Variants in MTMR11 observed in about 807,000 individuals in gnomAD.
MTMR11 encodes myotubularin related protein 11.
A neutral mutation model predicts 100.0 loss-of-function variants in MTMR11; 89 were observed. The ratio of observed to expected loss-of-function variants is 0.89; its 90% CI spans 0.75 to 1.06. The LOEUF (loss-of-function observed/expected upper bound fraction) is 1.06, where lower values mean the gene tolerates loss of function less well. Ranked by LOEUF, MTMR11 falls within the 50% of genes least tolerant of loss-of-function variation. The pLI is 0.00. For missense variants in MTMR11, 809 were observed against 873.7 expected (o/e 0.93, Z 0.93); for synonymous variants, 336 against 326.3 (o/e 1.03, Z -0.32).
chr1:149,929,369 C>T (rs2101653917), intron 16 of MTMR11, 52 bp from the exon 17 acceptor site: 1 of 1,485,652 alleles, frequency 6.7e-7, no homozygotes, highest in Non-Finnish European at 9.3e-7. Context: ...AGCTCTGGCC[C>T]CCTGCTTCTC....
chr1:149,930,752 A>G lies in MTMR11; in HGVS notation c.1464+40T>C, dbSNP rs112659864. On this transcript the variant is annotated intron_variant, in intron 14 of 16. Transcript: ENST00000439741. ...ACCAAACTTCAGAGAGTACATCTCAATGGAAAAAAAAACACGAGTCAAAAA... is the reference window on the plus strand; with the variant it reads ...ACCAAACTTCAGAGAGTACATCTCAGTGGAAAAAAAAACACGAGTCAAAAA... 3.0e-5 allele frequency: 45 copies of G among 1,516,494 alleles called. No homozygotes were observed. In the South Asian group the frequency reaches 5.5e-4, roughly 18 times the overall value. 93.9% of individuals were successfully genotyped at this position (1,516,494 alleles called of 1,614,324 possible).
intron 7 of MTMR11, 25 bp from the exon 8 acceptor site, chr1:149,933,967 G>C: frequency 1.3e-6 from 2 of 1,599,374 alleles, no homozygotes; most frequent in Non-Finnish European, 1.7e-6. Context: ...TGATATTACA[G>C]TTTGGCTCAG....
rs1261706794 is a variant in MTMR11, at chr1:149,931,322, C to G, written c.1228G>C (p.Glu410Gln). ...LFGFQSLVQREWVAAGHPFLT... is the reference protein window; with the variant it reads ...LFGFQSLVQRQWVAAGHPFLT... ...AAGGGATGTCCAGCTGCCACCCACT[C>G]TCGCTGTACTAGTGATTGGAAGCCA... Residue 410 changes from glutamate (E) to glutamine (Q), a missense_variant, in exon 13 of 17, where the codon GAG becomes CAG. Physicochemically the swap from Glu to Gln is conservative, Grantham distance 29. Transcript: ENST00000439741. The G allele has an allele frequency of 1.9e-6, 3 of 1,614,024 alleles. No homozygotes were observed. Among genetic ancestry groups the G allele is most frequent in the Admixed American group, 1.7e-5 (1 of 59,980 alleles).
At chr1:149,931,922 T>G in intron 12 of MTMR11, 22 bp downstream of exon 12, 20 of 1,592,512 alleles carry the variant, frequency 1.3e-5, no homozygotes, top group Non-Finnish European at 1.7e-5. Flanking sequence ...AGGAATGGAA[T>G]GGGCTTAACC....
chr1:149,929,315 C>A lies in MTMR11; in HGVS notation c.1944G>T (p.Met648Ile). 1 of 1,613,250 alleles carries A rather than the reference C, an allele frequency of 6.2e-7. No homozygotes were observed. Among genetic ancestry groups the A allele is most frequent in the African/African-American group, 1.3e-5 (1 of 74,984 alleles). The change falls in exon 17 of 17, where the codon ATG (methionine) becomes ATT (isoleucine). Residue 648 changes from methionine to isoleucine, a missense_variant and splice_region_variant. Transcript: ENST00000439741. ...CAGAGATTGTGGGAGCTGAGAGGCC[C>A]ATCTGGGGAGGAGGCAAAGAGGAAC... is the stretch of plus-strand genomic sequence containing the variant. ...CYLRGRPEVQ[M>I]GLSAPTISGL...
At position 149,931,932 on chromosome 1, in the gene MTMR11, C is replaced by A. The variant is rs1380478032; in HGVS notation, c.1123+12G>T. 1 of 1,606,792 alleles carries A rather than the reference C, an allele frequency of 6.2e-7. No individual in the cohort carries two copies. The highest frequency in any genetic ancestry group is 1.7e-5 in the Admixed American group (1 of 60,000). ...AGGCAAGGAATGGAATGGGCTTAAC[C>A]AAGGAACTCACCTTGAAGTATTACA... On this transcript the variant is annotated intron_variant, in intron 12 of 16. Transcript: ENST00000439741.
rs1166051649 is a variant in MTMR11, at chr1:149,933,405, CCAGG to C, written c.982_985del (p.Pro328IlefsTer4). 3.7e-6 allele frequency: 6 copies of C among 1,613,990 alleles called. No individual in the cohort carries two copies. Among genetic ancestry groups the C allele is most frequent in the Non-Finnish European group, 5.1e-6 (6 of 1,180,014 alleles). ...GGTTAGGGGTCAAAGGTTATTCTCA[CCAGG>C]CAGGCAGAGGGCCCTCAGCCTCAGG... On this transcript the variant is annotated frameshift_variant and splice_region_variant, in exon 10 of 17. Coordinates refer to ENST00000439741, the MANE Select transcript of MTMR11 (RefSeq NM_001145862.2). LOFTEE classifies it high-confidence loss of function.
intron 2 of MTMR11, 79 bp downstream of exon 2, chr1:149,936,061 GAGGAACACAGGGGT>G: frequency 7.3e-7 from 1 of 1,366,836 alleles, no homozygotes. Flanking sequence ...CGAGCCACGA[GAGGAACACAGGGGT>G]ATCTTTGGTG....
intron 2 of MTMR11, 71 bp downstream of exon 2, chr1:149,936,083 G>A: frequency 1.3e-6 from 2 of 1,492,852 alleles, no homozygotes; most frequent in East Asian, 4.5e-5. Flanking sequence ...GGTATCTTTG[G>A]TGAGGGCATG....
chr1:149,930,617 T>G, intron 14 of MTMR11, 70 bp from the exon 15 acceptor site: 1 of 1,436,130 alleles, frequency 7.0e-7, no homozygotes, highest in Non-Finnish European at 9.5e-7. Flanking sequence ...AATCATGAGA[T>G]TCTCACCTCT....
rs1553766554 is a variant in MTMR11 at position 149,928,698 on chromosome 1, C to T, written c.*431G>A. ...ATGAGCCCCTTAAATAGAAATTCCA[C>T]TACAAAAATACAGAGGAGATAGGGT... is the stretch of plus-strand genomic sequence containing the variant. On this transcript the variant is annotated 3_prime_UTR_variant, in exon 17 of 17. Coordinates refer to ENST00000439741, the MANE Select transcript of MTMR11 (RefSeq NM_001145862.2). 1 of 641,566 alleles carries T rather than the reference C, an allele frequency of 1.6e-6. No individual in the cohort carries two copies. The highest frequency in any genetic ancestry group is 2.7e-5 in the East Asian group (1 of 36,702). The allele number at this position is 641,566 out of a possible 1,614,324, so 39.7% of individuals were successfully genotyped here. A position where few individuals can be genotyped will look rare whatever the true frequency, so the allele number is the denominator to read the frequency against.
In MTMR11 at chr1:149,935,570, C is replaced by T. The variant is rs200295532; in HGVS notation, c.264+14G>A. Reference sequence around the variant, plus strand: ...TCCCACTAGCTGTCATTTCTGTGGCCCCAACCATCTCACCTGATTCCACTG... The same window carrying T: ...TCCCACTAGCTGTCATTTCTGTGGCTCCAACCATCTCACCTGATTCCACTG... On this transcript the variant is annotated intron_variant, in intron 3 of 16. Coordinates refer to ENST00000439741, the MANE Select transcript of MTMR11 (RefSeq NM_001145862.2). The T allele has an allele frequency of 1.2e-4, 186 of 1,612,352 alleles. No individual in the cohort carries two copies. In the East Asian group the frequency reaches 2.8e-3, roughly 25 times the overall value.
intron 10 of MTMR11, 51 bp from the exon 11 acceptor site, chr1:149,932,381 C>A: frequency 6.9e-7 from 1 of 1,458,102 alleles, no homozygotes; most frequent in South Asian, 1.2e-5. Flanking sequence ...ACTCAGGATT[C>A]AGGATTCAGG....
chr1:149,931,049 G>T, intron 13 of MTMR11, 84 bp from the exon 14 acceptor site: 1 of 1,395,096 alleles, frequency 7.2e-7, no homozygotes, highest in Non-Finnish European at 9.6e-7. Context: ...GGGGAACACA[G>T]GGAATAGGGG....
Position 149,934,198 on chromosome 1 carries a change from C to T in MTMR11, c.676G>A (p.Ala226Thr). The T allele has an allele frequency of 3.7e-6, 6 of 1,613,914 alleles. No homozygotes were observed. The highest frequency in any genetic ancestry group is 1.1e-5 in the South Asian group (1 of 91,064). Residue 226 changes from alanine to threonine, a missense_variant, in exon 7 of 17, where the codon GCC (alanine) becomes ACC (threonine). Ala to Thr is a moderately conservative substitution (Grantham distance 58). Coordinates refer to ENST00000439741, the MANE Select transcript of MTMR11 (RefSeq NM_001145862.2). Reference sequence around the variant, plus strand: ...GGTGCACTGGGGGATCACCTGGTGGCTACGTCGAACCTCTCGTTGACCGTG... The same window carrying T: ...GGTGCACTGGGGGATCACCTGGTGGTTACGTCGAACCTCTCGTTGACCGTG... ...VSTVNERFDV[A>T]TSLPRYFWVP... is the part of the protein sequence containing the mutation.
Position 149,935,672 on chromosome 1 carries a change from C to T in MTMR11, c.176G>A (p.Arg59Lys). 6.2e-7 allele frequency: 1 copy of T among 1,613,260 alleles called. No homozygotes were observed. The highest frequency in any genetic ancestry group is 8.5e-7 in the Non-Finnish European group (1 of 1,179,618). ...EQILAWAPGV[R>K]KGLEPELSGT... Reference sequence around the variant, plus strand: ...AGACAATTCTGGTTCCAGGCCCTTCCTCACCCCTGGGGCCCATGCTAGGAT... The same window carrying T: ...AGACAATTCTGGTTCCAGGCCCTTCTTCACCCCTGGGGCCCATGCTAGGAT... Residue 59 changes from arginine to lysine, a missense_variant, in exon 3 of 17, where the codon AGG (arginine) becomes AAG (lysine). Physicochemically the swap from Arg to Lys is conservative, Grantham distance 26. Coordinates refer to ENST00000439741, the MANE Select transcript of MTMR11 (RefSeq NM_001145862.2).
At chr1:149,932,746 G>A (rs782481439) in intron 10 of MTMR11, among the ~76,000 whole-genome samples, 5 of 151,954 alleles carry the variant, frequency 3.3e-5, no homozygotes, top group Non-Finnish European at 5.9e-5. Flanking sequence ...TTTGAGACCA[G>A]CCTAGTCTAA....
Position 149,931,277 on chromosome 1 carries a change from T to C in MTMR11, c.1273A>G (p.Thr425Ala), listed in dbSNP as rs781977650. The C allele has an allele frequency of 9.3e-6, 15 of 1,613,930 alleles. No individual in the cohort carries two copies. Among genetic ancestry groups the C allele is most frequent in the East Asian group, 4.5e-5 (2 of 44,886 alleles). Residue 425 changes from threonine (T) to alanine (A), a missense_variant, in exon 13 of 17, where the codon ACT (threonine) becomes GCT (alanine). Thr to Ala is a moderately conservative substitution (Grantham distance 58). Transcript: ENST00000439741. Reference sequence around the variant, plus strand: ...ATTCTCACCTCTTCACTGGCCCCAGTTCCCCCAAGCCGAGTCAGGAAGGGA... The same window carrying C: ...ATTCTCACCTCTTCACTGGCCCCAGCTCCCCCAAGCCGAGTCAGGAAGGGA... The part of the protein sequence containing the change: ...GHPFLTRLGG[T>A]GASEEAPVFL...
chr1:149,935,927 TA>T (rs1238191314), intron 2 of MTMR11, among the ~76,000 whole-genome samples: 1 of 152,166 alleles, frequency 6.6e-6, no homozygotes, highest in Admixed American at 6.5e-5. Flanking sequence ...ACTAACTATG[TA>T]TCGAATAAGT....
Sources: gnomAD v4.1 joint callset for allele counts (sites outside exome capture counted in the v4.1 genomes callset) on GRCh38, gnomAD v4.1.1 for gene constraint, MANE v1.5 for transcripts, NCBI Gene and HGNC (gene_info 2026-07-23, HGNC 2026-07-21) for gene names.